The following FITM1 variants were observed in gnomAD, a reference collection of about 807,000 sequenced individuals.
The protein encoded by FITM1 is fat storage-inducing transmembrane protein 1.
A neutral mutation model predicts 22.2 loss-of-function variants in FITM1; 11 were observed. The observed-to-expected ratio is 0.50, with a 90% CI of 0.31 to 0.82. FITM1 has a LOEUF of 0.82. FITM1 is among the 40% of genes least tolerant of loss of function. The probability of loss-of-function intolerance (pLI) is 0.04; values close to 1 mark genes in which losing one functional copy is unlikely to be tolerated. For missense variants in FITM1, 394 were observed against 386.4 expected, an observed-to-expected ratio of 1.02 and a Z score of -0.17; for synonymous variants, 164 against 174.0, an observed-to-expected ratio of 0.94 and a Z score of 0.45.
intron 1 of FITM1, 111 bp downstream of exon 1, chr14:24,131,940 G>C: frequency 6.9e-7 from 1 of 1,453,596 alleles, no homozygotes; most frequent in Non-Finnish European, 9.1e-7. Flanking sequence ...AGGCTAGGAG[G>C]TTGAGGAAAA....
chr14:24,132,401 T>TTCGAGCCACTGCCCCAGGGTCTGGAGCA lies in FITM1; in HGVS notation c.480_481insGAGCATCGAGCCACTGCCCCAGGGTCTG (p.Leu161GlufsTer16), dbSNP rs753248187. On this transcript the variant is annotated frameshift_variant, in exon 2 of 2. Coordinates refer to ENST00000267426, the MANE Select transcript of FITM1 (RefSeq NM_203402.3). LOFTEE classifies it high-confidence loss of function. ...CATCGAGGACCTGACTGGCTCCTGC[T>TTCGAGCCACTGCCCCAGGGTCTGGAGCA]TCGAGCCACTGCCCCAGGGTCTGCT... is the stretch of plus-strand genomic sequence containing the variant. 221 of 1,610,856 alleles carry TTCGAGCCACTGCCCCAGGGTCTGGAGCA rather than the reference T, an allele frequency of 1.4e-4. No homozygotes were observed. The highest frequency in any genetic ancestry group is 1.8e-4 in the Non-Finnish European group (208 of 1,179,936).
rs576938332 is a variant in FITM1 at position 24,131,803 on chromosome 14, C to T, written c.240C>T (p.Phe80=). The change falls in exon 1 of 2, where the codon TTC becomes TTT. Residue 80 remains phenylalanine (F), a synonymous_variant. Coordinates refer to ENST00000267426, the MANE Select transcript of FITM1 (RefSeq NM_203402.3). ...LQFHVNPRTI[F]ASHGNFFNIK... ...TCCATGTCAACCCTCGGACTATCTT[C>T]GCCAGCCACGGCAACTTCTTCAACA... 18 of 1,596,544 alleles carry T rather than the reference C, an allele frequency of 1.1e-5. No homozygotes were observed. Among genetic ancestry groups the T allele is most frequent in the Middle Eastern group, 3.7e-4 (2 of 5,474 alleles).
intron 1 of FITM1, 105 bp from the exon 2 acceptor site, chr14:24,132,106 A>G: frequency 6.7e-7 from 1 of 1,484,318 alleles, no homozygotes; most frequent in Admixed American, 2.3e-5. Context: ...GCAAGGAGAG[A>G]ACGAGTGATG....
At position 24,132,556 on chromosome 14, in the gene FITM1, C is replaced by A. The variant is rs117284518; in HGVS notation, c.612C>A (p.Phe204Leu). ...TCATGGCAGAGGAAGCAGCTGTGTT[C>A]GCCAAGTACCTGGCCCATGGGCTTC... ...CLLMAEEAAV[F>L]AKYLAHGLPA... is the part of the protein sequence containing the mutation. Residue 204 changes from phenylalanine to leucine, a missense_variant, in exon 2 of 2, where the codon TTC (phenylalanine) becomes TTA (leucine). Phe to Leu is a conservative substitution (Grantham distance 22, BLOSUM62 0). Coordinates refer to ENST00000267426, the MANE Select transcript of FITM1 (RefSeq NM_203402.3). 1.0e-4 allele frequency: 162 copies of A among 1,606,576 alleles called. No individual in the cohort carries two copies. In the African/African-American group the frequency reaches 2.0e-3, roughly 20 times the overall value.
rs1394349800 is a variant in FITM1, at chr14:24,131,659, C to T, written c.96C>T (p.Ala32=). 2 of 1,613,752 alleles carry T rather than the reference C, an allele frequency of 1.2e-6. No homozygotes were observed. Among genetic ancestry groups the T allele is most frequent in the Non-Finnish European group, 1.7e-6 (2 of 1,180,000 alleles). The change falls in exon 1 of 2, where the codon GCC becomes GCT. Residue 32 remains alanine (A), a synonymous_variant. Coordinates refer to ENST00000267426, the MANE Select transcript of FITM1 (RefSeq NM_203402.3). ...GCLLKVLLWV[A]SALLYFGSEQ... The stretch of plus-strand genomic sequence containing the variant: ...TGCTCAAGGTGCTGCTCTGGGTGGC[C>T]TCTGCCTTGCTGTACTTTGGAAGCG...
At chr14:24,131,994 A>G in intron 1 of FITM1, 165 bp downstream of exon 1, 1 of 1,247,700 alleles carries the variant, frequency 8.0e-7, no homozygotes, top group Non-Finnish European at 1.1e-6. Context: ...GGTACAGGGG[A>G]AGTTGGGAAC....
In FITM1 at chr14:24,132,504, C is replaced by G. The variant is rs1049396697; in HGVS notation, c.560C>G (p.Thr187Ser). Residue 187 changes from threonine (T) to serine (S), a missense_variant, in exon 2 of 2, where the codon ACC becomes AGC. Transcript: ENST00000267426. ...QWRGYTVSSH[T>S]FLLTFCCLLM... ...CGAGGCTACACCGTCTCCTCCCACA[C>G]CTTCCTGCTCACCTTTTGCTGCCTG... 6.2e-7 allele frequency: 1 copy of G among 1,603,840 alleles called. No individual in the cohort carries two copies. The highest frequency in any genetic ancestry group is 1.3e-5 in the African/African-American group (1 of 75,056).
chr14:24,132,595 A>G lies in FITM1; in HGVS notation c.651A>G (p.Pro217=). 6.2e-7 allele frequency: 1 copy of G among 1,611,120 alleles called. No homozygotes were observed. The highest frequency in any genetic ancestry group is 1.3e-5 in the African/African-American group (1 of 75,040). The part of the protein sequence containing the change: ...YLAHGLPAGA[P]LRLVFLLNVL... ...CCCATGGGCTTCCTGCCGGCGCCCCACTGCGCCTTGTCTTCCTGCTGAACG... is the reference window on the plus strand; with the variant it reads ...CCCATGGGCTTCCTGCCGGCGCCCCGCTGCGCCTTGTCTTCCTGCTGAACG... Residue 217 remains proline, a synonymous_variant, in exon 2 of 2, where the codon CCA becomes CCG. Transcript: ENST00000267426.
chr14:24,132,061 C>T, intron 1 of FITM1, 150 bp from the exon 2 acceptor site: 2 of 1,266,628 alleles, frequency 1.6e-6, no homozygotes. Context: ...AAGGAGATAG[C>T]AAAGGTTAAA....
In FITM1 at chr14:24,132,434, G is replaced by A. The variant is rs750767264; in HGVS notation, c.490G>A (p.Glu164Lys). 6 of 1,607,664 alleles carry A rather than the reference G, an allele frequency of 3.7e-6. No homozygotes were observed. Among genetic ancestry groups the A allele is most frequent in the Admixed American group, 3.3e-5 (2 of 60,006 alleles). The change falls in exon 2 of 2, where the codon GAG becomes AAG. Residue 164 changes from glutamate to lysine, a missense_variant. By Grantham distance (56) the Glu-to-Lys change is moderately conservative. Coordinates refer to ENST00000267426, the MANE Select transcript of FITM1 (RefSeq NM_203402.3). ...EPLPQGLLLH[E>K]LPDRRSCLAA... ...ACTGCCCCAGGGTCTGCTGCTCCAC[G>A]AGCTGCCTGACCGCCGCAGCTGCCT...
In FITM1 at chr14:24,131,506, C is replaced by A; in HGVS notation, c.-58C>A. ...GCCTATCCTTGTCCAGGGGGGGCCC[C>A]ATCAGCCCCTCCTCAGCTGCCCAGC... On this transcript the variant is annotated 5_prime_UTR_variant, in exon 1 of 2. Coordinates refer to ENST00000267426, the MANE Select transcript of FITM1 (RefSeq NM_203402.3). 1 of 1,506,578 alleles carries A rather than the reference C, an allele frequency of 6.6e-7. No individual in the cohort carries two copies. The highest frequency in any genetic ancestry group is 9.0e-7 in the Non-Finnish European group (1 of 1,113,956). 93.3% of individuals were successfully genotyped at this position (1,506,578 alleles called of 1,614,324 possible).
rs2037819439 is a variant in FITM1 at position 24,131,327 on chromosome 14, A to C, written c.-237A>C. 1.5e-6 allele frequency: 1 copy of C among 666,570 alleles called. No individual in the cohort carries two copies. The highest frequency in any genetic ancestry group is 1.8e-5 in the African/African-American group (1 of 56,638). 41.3% of individuals were successfully genotyped at this position (666,570 alleles called of 1,614,324 possible). On this transcript the variant is annotated 5_prime_UTR_variant, in exon 1 of 2. Coordinates refer to ENST00000267426, the MANE Select transcript of FITM1 (RefSeq NM_203402.3). ...ACACAGGACTAACAGGAAAGGACAC[A>C]GACTGCTGTCAGGACACATACTACC...
In FITM1 at chr14:24,130,709, T is replaced by C. The variant is rs1442766867; in HGVS notation, c.-855T>C. 6.6e-6 allele frequency among the ~76,000 whole-genome samples: 1 copy of C among 152,172 alleles called. No homozygotes were observed. The highest frequency in any genetic ancestry group is 1.5e-5 in the Non-Finnish European group (1 of 68,030). On this transcript the variant is annotated 5_prime_UTR_variant, in exon 1 of 2. Coordinates refer to ENST00000267426, the MANE Select transcript of FITM1 (RefSeq NM_203402.3). ...CAGCAGTCAGACTGGGAGGGCAGGCTTATATGGAGAGCCCTGAGGCCCAGG... is the reference window on the plus strand; with the variant it reads ...CAGCAGTCAGACTGGGAGGGCAGGCCTATATGGAGAGCCCTGAGGCCCAGG...
In FITM1 at chr14:24,131,767, G is replaced by C; in HGVS notation, c.204G>C (p.Pro68=). 1.2e-6 allele frequency: 2 copies of C among 1,613,056 alleles called. No individual in the cohort carries two copies. The highest frequency in any genetic ancestry group is 1.7e-6 in the Non-Finnish European group (2 of 1,179,588). ...TGGCAGCAGTGGTCATCTTTGGGCC[G>C]CTTCTGCAGTTCCATGTCAACCCTC... ...AWLAAVVIFG[P]LLQFHVNPRT... Residue 68 remains proline (P), a synonymous_variant, in exon 1 of 2, where the codon CCG becomes CCC. Transcript: ENST00000267426.
rs371806629 is a variant in FITM1 at position 24,132,704 on chromosome 14, G to A, written c.760G>A (p.Ala254Thr). 8.1e-6 allele frequency: 13 copies of A among 1,613,792 alleles called. No individual in the cohort carries two copies. Among genetic ancestry groups the A allele is most frequent in the East Asian group, 2.2e-5 (1 of 44,884 alleles). ...HQYTHKVVGA[A>T]VGTFAWYLTY... ...GTACACTCACAAGGTGGTGGGCGCC[G>A]CAGTGGGCACCTTTGCCTGGTACCT... Residue 254 changes from alanine (A) to threonine (T), a missense_variant, in exon 2 of 2, where the codon GCA becomes ACA. Transcript: ENST00000267426.
chr14:24,132,640 G>C lies in FITM1; in HGVS notation c.696G>C (p.Trp232Cys), dbSNP rs1044614802. 2.5e-6 allele frequency: 4 copies of C among 1,613,470 alleles called. No individual in the cohort carries two copies. The highest frequency in any genetic ancestry group is 3.4e-6 in the Non-Finnish European group (4 of 1,180,034). Residue 232 changes from tryptophan (W) to cysteine (C), a missense_variant, in exon 2 of 2, where the codon TGG becomes TGC. Trp to Cys is a radical substitution (Grantham distance 215, BLOSUM62 -2). Transcript: ENST00000267426. Reference sequence around the variant, plus strand: ...TGAACGTGCTGCTGCTGGGCCTCTGGAACTTCTTGCTGCTCTGTACCGTCA... The same window carrying C: ...TGAACGTGCTGCTGCTGGGCCTCTGCAACTTCTTGCTGCTCTGTACCGTCA... Reference protein sequence around the residue: ...FLLNVLLLGLWNFLLLCTVIY... With the variant: ...FLLNVLLLGLCNFLLLCTVIY...
In FITM1 at chr14:24,132,408, C is replaced by T. The variant is rs2037829377; in HGVS notation, c.464C>T (p.Pro155Leu). 6.2e-7 allele frequency: 1 copy of T among 1,610,944 alleles called. No homozygotes were observed. Among genetic ancestry groups the T allele is most frequent in the African/African-American group, 1.3e-5 (1 of 74,926 alleles). The change falls in exon 2 of 2, where the codon CCA (proline) becomes CTA (leucine). Residue 155 changes from proline (P) to leucine (L), a missense_variant. Coordinates refer to ENST00000267426, the MANE Select transcript of FITM1 (RefSeq NM_203402.3). Reference protein sequence around the residue: ...IEDLTGSCFEPLPQGLLLHEL... With the variant: ...IEDLTGSCFELLPQGLLLHEL... Reference sequence around the variant, plus strand: ...GACCTGACTGGCTCCTGCTTCGAGCCACTGCCCCAGGGTCTGCTGCTCCAC... The same window carrying T: ...GACCTGACTGGCTCCTGCTTCGAGCTACTGCCCCAGGGTCTGCTGCTCCAC...
Position 24,132,801 on chromosome 14 carries a change from A to G in FITM1, c.857A>G (p.His286Arg). 1 of 1,608,138 alleles carries G rather than the reference A, an allele frequency of 6.2e-7. No individual in the cohort carries two copies. ...GGCCATGGGCTCTTCCCCCGTCCCC[A>G]CTCCAGCCGCAAGCATAACTGAAAG... Reference protein sequence around the residue: ...SPGHGLFPRPHSSRKHN With the variant: ...SPGHGLFPRPRSSRKHN Residue 286 changes from histidine to arginine, a missense_variant, in exon 2 of 2, where the codon CAC becomes CGC. Transcript: ENST00000267426.
chr14:24,132,643 C>T lies in FITM1; in HGVS notation c.699C>T (p.Asn233=). 1.9e-6 allele frequency: 3 copies of T among 1,613,628 alleles called. No homozygotes were observed. In the South Asian group the frequency reaches 3.3e-5, roughly 18 times the overall value. ...LLNVLLLGLW[N]FLLLCTVIYF... ...ACGTGCTGCTGCTGGGCCTCTGGAA[C>T]TTCTTGCTGCTCTGTACCGTCATCT... Residue 233 remains asparagine, a synonymous_variant, in exon 2 of 2, where the codon AAC becomes AAT. Coordinates refer to ENST00000267426, the MANE Select transcript of FITM1 (RefSeq NM_203402.3).
Sources: gnomAD v4.1 joint callset for allele counts (sites outside exome capture counted in the v4.1 genomes callset) on GRCh38, gnomAD v4.1.1 for gene constraint, MANE v1.5 for transcripts, NCBI Gene and HGNC (gene_info 2026-07-23, HGNC 2026-07-21) for gene names.